RIF1: variants seen among roughly 807,000 people sequenced by gnomAD.
RIF1 encodes telomere-associated protein RIF1.
A neutral mutation model predicts 247.1 loss-of-function variants in RIF1; 45 were observed. The ratio of observed to expected loss-of-function variants is 0.18; its 90% confidence interval spans 0.14 to 0.23. RIF1 has a LOEUF of 0.23. Ranked by LOEUF, RIF1 falls within the 10% of genes least tolerant of loss-of-function variation. The pLI, the probability that RIF1 is intolerant of heterozygous loss-of-function variation, is 1.00. For missense variants in RIF1, 2,967 were observed against 2,862.5 expected, an observed-to-expected ratio of 1.04 and a Z score of -0.83; for synonymous variants, 1,087 against 978.8, an observed-to-expected ratio of 1.11 and a Z score of -2.06.
At chr2:151,493,695 CTG>C (rs2058274386) in intron 9 of RIF1, 2 of 1,172,962 alleles carry the variant, frequency 1.7e-6, no homozygotes, top group East Asian at 5.2e-5. Flanking sequence ...TTTGGAAAAA[CTG>C]TAAGATAAAT....
intron 21 of RIF1, among the ~76,000 whole-genome samples, chr2:151,452,069 A>G (rs191897187): frequency 1.7e-4 from 26 of 152,334 alleles, no homozygotes; most frequent in Non-Finnish European, 2.6e-4. Context: ...AAATGTTTTT[A>G]TTTGCAAGCC....
rs1170681985 is a variant in RIF1 at position 151,492,429 on chromosome 2, G to A, written c.*416-2800G>A. The A allele has an allele frequency of 4.3e-6, 7 of 1,611,996 alleles. No homozygotes were observed. Among genetic ancestry groups the A allele is most frequent in the Middle Eastern group, 1.7e-4 (1 of 6,060 alleles). On this transcript the variant is annotated intron_variant and NMD_transcript_variant, in intron 9 of 13. Coordinates refer to the RIF1 transcript ENST00000454583. ...GGGTCTCCCTCACCCGTCTCATCTC[G>A]GGGGTATCCAATACATAGGCAGCTT...
At chr2:151,461,785 A>C (rs1283223189) in intron 27 of RIF1, among the ~76,000 whole-genome samples, 2 of 152,176 alleles carry the variant, frequency 1.3e-5, no homozygotes, top group Non-Finnish European at 2.9e-5. Flanking sequence ...ATATTTATAA[A>C]CTGAATTTCT....
At chr2:151,474,197 A>G in intron 35 of RIF1, 125 bp downstream of exon 35, 1 of 639,352 alleles carries the variant, frequency 1.6e-6, no homozygotes, top group Non-Finnish European at 2.8e-6. Context: ...TTTAATGTGA[A>G]GTATATGAAA....
intron 34 of RIF1, among the ~76,000 whole-genome samples, 161 bp downstream of exon 34, chr2:151,470,025 T>C (rs1452062069): frequency 1.3e-5 from 2 of 152,090 alleles, no homozygotes; most frequent in African/African-American, 4.8e-5. Flanking sequence ...TTTAAATTGT[T>C]TTTTCATTAA....
rs369424750 is a variant in RIF1, at chr2:151,414,927, A to C, written c.280+8A>C. ...TTACCTCAGAATTATCAGGTAGATA[A>C]ATTTCTTATGACTTAATATTTTTAG... On this transcript the variant is annotated splice_region_variant and intron_variant, in intron 4 of 35. Transcript: ENST00000444746. 2.0e-6 allele frequency: 3 copies of C among 1,529,002 alleles called. No individual in the cohort carries two copies. The highest frequency in any genetic ancestry group is 2.7e-5 in the African/African-American group (2 of 73,062). 94.7% of individuals were successfully genotyped at this position (1,529,002 alleles called of 1,614,324 possible).
intron 1 of RIF1, 43 bp from the exon 2 acceptor site, chr2:151,410,371 C>G (rs1685927540): frequency 1.3e-6 from 2 of 1,524,060 alleles, no homozygotes; most frequent in South Asian, 1.2e-5. Context: ...GGGGCTGTTT[C>G]CATCGGTCAC....
intron 35 of RIF1, 60 bp from the exon 36 acceptor site, chr2:151,474,797 G>A (rs1234541601): frequency 3.1e-6 from 3 of 975,510 alleles, no homozygotes; most frequent in South Asian, 1.5e-5. Flanking sequence ...AAAAGATCAT[G>A]TAAAAAATTT....
chr2:151,435,481 CA>C lies in RIF1; in HGVS notation c.1099del (p.Ser367ValfsTer3). Reference protein sequence around the residue: ...NFEQVCVPLIQSTISIDSNAS... With the variant: ...NFEQVCVPLIXSTISIDSNAS... ...CCCATAGGTTTGTGTGCCTCTGATT[CA>C]AAGTACAATAAGCATTGATTCTAAT... On this transcript the variant is annotated frameshift_variant, in exon 11 of 36. Transcript: ENST00000444746. LOFTEE classifies it high-confidence loss of function. The C allele has an allele frequency of 6.2e-7, 1 of 1,608,550 alleles. No homozygotes were observed. Among genetic ancestry groups the C allele is most frequent in the Non-Finnish European group, 8.5e-7 (1 of 1,175,178 alleles).
chr2:151,433,637 T>C (rs1309581731), intron 10 of RIF1, among the ~76,000 whole-genome samples: 2 of 151,854 alleles, frequency 1.3e-5, no homozygotes, highest in African/African-American at 4.8e-5. Flanking sequence ...TATTTTTTAG[T>C]GTAGATAGGG....
downstream of RIF1, chr2:151,512,672 G>T: frequency 8.4e-7 from 1 of 1,187,844 alleles, no homozygotes; most frequent in Non-Finnish European, 1.2e-6. Context: ...TTTATTAATG[G>T]AAGGACTTCC....
downstream of RIF1, chr2:151,485,945 G>A: frequency 1.2e-6 from 2 of 1,612,728 alleles, no homozygotes; most frequent in Admixed American, 3.3e-5. Context: ...TATTCGTGGG[G>A]ATGGAAAAGG....
chr2:151,485,797 G>A, downstream of RIF1: 1 of 1,612,936 alleles, frequency 6.2e-7, no homozygotes. Context: ...GAGCATTCCG[G>A]TCCTGCCAGT....
intron 29 of RIF1, 144 bp downstream of exon 29, chr2:151,462,610 C>A (rs924441063): frequency 1.7e-6 from 1 of 597,684 alleles, no homozygotes; most frequent in African/African-American, 1.9e-5. Flanking sequence ...CTTTTAACTC[C>A]CATTCAGATA....
intron 3 of RIF1, among the ~76,000 whole-genome samples, chr2:151,413,530 A>G (rs773452835): frequency 7.2e-5 from 11 of 152,238 alleles, no homozygotes; most frequent in Admixed American, 1.3e-4. Context: ...GATTGTGTCT[A>G]GGAATCTACA....
At chr2:151,518,655 TAA>T in the RIF1 span, among the ~76,000 whole-genome samples, 3 of 152,302 alleles carry the variant, frequency 2.0e-5, no homozygotes, top group East Asian at 5.8e-4. Context: ...GTGTTATAAG[TAA>T]AAAGTTAAAA....
the RIF1 span, chr2:151,513,740 C>G: frequency 1.6e-6 from 2 of 1,260,526 alleles, no homozygotes; most frequent in African/African-American, 3.0e-5. Flanking sequence ...AATGCTACTA[C>G]TAGGTAATAA....
chr2:151,525,265 G>C, the RIF1 span: 4 of 1,610,388 alleles, frequency 2.5e-6, no homozygotes, highest in Admixed American at 3.3e-5. Flanking sequence ...ACTTCTTTTT[G>C]TAATTTGTCT....
the RIF1 span, among the ~76,000 whole-genome samples, chr2:151,530,392 C>T: frequency 6.6e-5 from 10 of 152,034 alleles, no homozygotes; most frequent in East Asian, 1.9e-4. Flanking sequence ...TCGAGGGCCT[C>T]GATCTGGGCT....
Sources: allele counts gnomAD v4.1 joint callset (sites outside exome capture counted in the v4.1 genomes callset), GRCh38; gene constraint gnomAD v4.1.1; transcripts MANE v1.5; gene names NCBI Gene and HGNC (gene_info 2026-07-23, HGNC 2026-07-21).